KANSL1: variants seen among roughly 807,000 people sequenced by gnomAD.
KANSL1 encodes MLL1/MLL complex subunit KANSL1.
In KANSL1, 22 loss-of-function variants were observed where a neutral mutation model predicts 103.6. That is an observed-to-expected ratio of 0.21 (90% CI 0.15 to 0.30). The LOEUF is 0.30. KANSL1 is among the 10% of genes least tolerant of loss of function. The pLI, the probability that KANSL1 is intolerant of heterozygous loss-of-function variation, is 1.00. For missense variants in KANSL1, 1,337 were observed against 1,399.8 expected (o/e 0.96, Z 0.72); for synonymous variants, 600 against 527.6 (o/e 1.14, Z -1.88).
intron 2 of KANSL1, among the ~76,000 whole-genome samples, chr17:46,133,712 A>G (rs2043981577): frequency 6.6e-6 from 1 of 152,232 alleles, no homozygotes; most frequent in Admixed American, 6.5e-5. Context: ...TTTTAAGGAA[A>G]CCTTTCAGGT....
chr17:46,039,337 C>T (rs917322227), intron 8 of KANSL1, 122 bp from the exon 9 acceptor site: 1 of 902,358 alleles, frequency 1.1e-6, no homozygotes, highest in African/African-American at 1.7e-5. Flanking sequence ...CAGGACAGTC[C>T]TTCAGGACTG....
intron 3 of KANSL1, among the ~76,000 whole-genome samples, chr17:46,085,843 G>A (rs937360926): frequency 3.9e-5 from 6 of 152,080 alleles, no homozygotes; most frequent in Admixed American, 2.0e-4. Flanking sequence ...GCCAAGGCTC[G>A]TCTCAAACTC....
intron 6 of KANSL1, among the ~76,000 whole-genome samples, chr17:46,064,360 T>A (rs1241964581): frequency 6.6e-6 from 1 of 152,226 alleles, no homozygotes; most frequent in Non-Finnish European, 1.5e-5. Flanking sequence ...AGCAAATATG[T>A]TGCTAGTGGC....
upstream of KANSL1, chr17:46,193,822 C>T (rs944365500): frequency 1.8e-5 from 3 of 164,754 alleles, no homozygotes; most frequent in South Asian, 1.1e-4. Flanking sequence ...AGGGGCAGGG[C>T]GGGCCGGCGC....
At chr17:46,142,346 G>A (rs2147378440) in intron 2 of KANSL1, among the ~76,000 whole-genome samples, 1 of 152,360 alleles carries the variant, frequency 6.6e-6, no homozygotes, top group South Asian at 2.1e-4. Context: ...CTGGCACAGT[G>A]GCTCATGCCT....
chr17:46,125,370 G>A (rs1455995881), intron 2 of KANSL1, among the ~76,000 whole-genome samples: 1 of 152,162 alleles, frequency 6.6e-6, no homozygotes, highest in Non-Finnish European at 1.5e-5. Context: ...ACTTTTATAT[G>A]CAATAGGAAA....
intron 2 of KANSL1, among the ~76,000 whole-genome samples, chr17:46,157,437 G>A (rs1474317113): frequency 6.6e-5 from 10 of 152,172 alleles, no homozygotes; most frequent in African/African-American, 2.4e-4. Flanking sequence ...ATCTAACATT[G>A]CTTTGGACAT....
chr17:46,208,824 G>A (rs1366449274), intron 1 of KANSL1, among the ~76,000 whole-genome samples: 1 of 146,928 alleles, frequency 6.8e-6, no homozygotes, highest in Non-Finnish European at 1.5e-5. Flanking sequence ...CTGCACTCCA[G>A]CCTGGGCGAC....
chr17:46,202,368 A>G (rs2047833278), intron 1 of KANSL1, among the ~76,000 whole-genome samples: 1 of 152,236 alleles, frequency 6.6e-6, no homozygotes. Flanking sequence ...GATAAGGGAT[A>G]TTCAATGTAT....
At chr17:46,113,945 C>A (rs533553287) in intron 2 of KANSL1, among the ~76,000 whole-genome samples, 45 of 152,294 alleles carry the variant, frequency 3.0e-4, no homozygotes, top group Non-Finnish European at 5.6e-4. Context: ...TTATCTATCT[C>A]TAAGCATCTC....
chr17:46,128,174 T>C (rs138467810), intron 2 of KANSL1, among the ~76,000 whole-genome samples: 1 of 152,230 alleles, frequency 6.6e-6, no homozygotes, highest in Non-Finnish European at 1.5e-5. Flanking sequence ...GCCCCCACTA[T>C]ATCATCACTA....
Position 46,050,710 on chromosome 17 carries a change from A to T in KANSL1, c.1849-6T>A, listed in dbSNP as rs545230619. On this transcript the variant is annotated splice_polypyrimidine_tract_variant and splice_region_variant and intron_variant, in intron 6 of 14. Coordinates refer to ENST00000432791, the MANE Select transcript of KANSL1 (RefSeq NM_015443.4). ...ATTGTGCTGTTCCGGTGAACCTGTG[A>T]AAAAAGCCAAACAAAACTGACAATT... 2 of 1,603,012 alleles carry T rather than the reference A, an allele frequency of 1.2e-6. No individual in the cohort carries two copies. Among genetic ancestry groups the T allele is most frequent in the South Asian group, 2.2e-5 (2 of 90,010 alleles).
chr17:46,164,455 A>G (rs971891584), intron 2 of KANSL1, among the ~76,000 whole-genome samples: 2 of 152,280 alleles, frequency 1.3e-5, no homozygotes, highest in African/African-American at 4.8e-5. Flanking sequence ...AGGGGCATTA[A>G]ATCAAAGGTG....
intron 7 of KANSL1, among the ~76,000 whole-genome samples, chr17:46,047,856 G>A (rs1377193864): frequency 1.4e-5 from 2 of 147,112 alleles, no homozygotes; most frequent in Non-Finnish European, 3.0e-5. Flanking sequence ...GAGATATTAT[G>A]AAGAACAGCA....
At chr17:46,220,595 G>T (rs1313357801) in intron 1 of KANSL1, among the ~76,000 whole-genome samples, 2 of 152,266 alleles carry the variant, frequency 1.3e-5, no homozygotes, top group Non-Finnish European at 2.9e-5. Context: ...GCAATGAGAA[G>T]TCTCCTTCCT....
chr17:46,107,841 G>A (rs1321828459), intron 2 of KANSL1, among the ~76,000 whole-genome samples: 2 of 152,248 alleles, frequency 1.3e-5, no homozygotes, highest in East Asian at 3.9e-4. Context: ...GATCTGTTCA[G>A]GTCAAAAACC....
rs1235659380 is a variant in KANSL1, at chr17:46,071,531, A to T, written c.1534-3864T>A. On this transcript the variant is annotated intron_variant, in intron 4 of 14. Coordinates refer to ENST00000432791, the MANE Select transcript of KANSL1 (RefSeq NM_015443.4). ...CCTTAAATGCAGGCACTCTCCCTTG[A>T]GAAAAAATGAACATTTCCTATCCTG... 2.0e-5 allele frequency among the ~76,000 whole-genome samples: 3 copies of T among 152,228 alleles called. 1 individual carries two copies. In the South Asian group the frequency reaches 6.2e-4, roughly 32 times the overall value.
intron 2 of KANSL1, among the ~76,000 whole-genome samples, chr17:46,145,521 C>G (rs1370767326): frequency 2.0e-5 from 3 of 152,236 alleles, no homozygotes; most frequent in South Asian, 2.1e-4. Flanking sequence ...AACTGAAACA[C>G]AGCCTTTTCT....
intron 2 of KANSL1, among the ~76,000 whole-genome samples, chr17:46,115,592 G>A (rs771714722): frequency 1.3e-5 from 2 of 152,070 alleles, no homozygotes; most frequent in Non-Finnish European, 2.9e-5. Flanking sequence ...GGTTTTCAGT[G>A]AACTATATGT....
Sources: allele counts gnomAD v4.1 joint callset (sites outside exome capture counted in the v4.1 genomes callset), GRCh38; gene constraint gnomAD v4.1.1; transcripts MANE v1.5; gene names NCBI Gene and HGNC (gene_info 2026-07-23, HGNC 2026-07-21).